The following WASHC5 variants were observed in gnomAD, a reference collection of about 807,000 sequenced individuals.
The protein encoded by WASHC5 is WASH complex subunit strumpellin.
WASHC5 carries 101 observed loss-of-function variants against 150.4 expected under a neutral mutation model. That is an observed-to-expected ratio of 0.67 (90% CI 0.57 to 0.79). The LOEUF (loss-of-function observed/expected upper bound fraction) is 0.79. Ranked by LOEUF, WASHC5 falls within the 30% of genes least tolerant of loss-of-function variation. The probability of loss-of-function intolerance (pLI) is 0.00; values close to 1 mark genes in which losing one functional copy is unlikely to be tolerated. For synonymous variants in WASHC5, 467 were observed against 491.2 expected (o/e 0.95, Z 0.65); for missense variants, 1,195 against 1,396.3 (o/e 0.86, Z 2.30).
intron 24 of WASHC5, 129 bp from the exon 25 acceptor site, chr8:125,039,088 G>T: frequency 9.7e-7 from 1 of 1,029,950 alleles, no homozygotes; most frequent in Non-Finnish European, 1.5e-6. Flanking sequence ...GCTTGATCTC[G>T]CTAATTCTCA....
At chr8:125,058,918 G>A (rs552039631) in intron 14 of WASHC5, among the ~76,000 whole-genome samples, 2 of 151,772 alleles carry the variant, frequency 1.3e-5, no homozygotes, top group Non-Finnish European at 2.9e-5. Flanking sequence ...TCATGCCTAG[G>A]GAATAAAGGA....
intron 9 of WASHC5, among the ~76,000 whole-genome samples, chr8:125,071,309 C>T (rs1267738512): frequency 6.6e-6 from 1 of 152,182 alleles, no homozygotes; most frequent in Admixed American, 6.5e-5. Context: ...ATTCAACTTA[C>T]TTATTTTTCT....
intron 5 of WASHC5, among the ~76,000 whole-genome samples, chr8:125,080,702 T>C (rs1179908479): frequency 6.6e-6 from 1 of 152,170 alleles, no homozygotes; most frequent in Non-Finnish European, 1.5e-5. Flanking sequence ...CAATTGAAAA[T>C]CTGTGCGTTA....
intron 4 of WASHC5, 122 bp from the exon 5 acceptor site, chr8:125,081,883 A>G: frequency 1.4e-6 from 1 of 717,458 alleles, no homozygotes; most frequent in Admixed American, 2.0e-5. Flanking sequence ...GATTTCAAGG[A>G]AAAGGTAGGT....
rs779502501 is a variant in WASHC5 at position 125,024,572 on chromosome 8, G to T, written c.*45C>A. 1 of 1,360,718 alleles carries T rather than the reference G, an allele frequency of 7.3e-7. No individual in the cohort carries two copies. Among genetic ancestry groups the T allele is most frequent in the East Asian group, 2.3e-5 (1 of 43,636 alleles). 84.3% of individuals were successfully genotyped at this position (1,360,718 alleles called of 1,614,324 possible). ...TCTTCAAATTCATTTGTGATGGTGG[G>T]AAGATCTAAGGACAATCCTTCCATT... On this transcript the variant is annotated 3_prime_UTR_variant, in exon 29 of 29. Transcript: ENST00000318410.
chr8:125,073,631 C>A (rs1020982173), intron 8 of WASHC5, among the ~76,000 whole-genome samples: 5 of 152,116 alleles, frequency 3.3e-5, no homozygotes, highest in Admixed American at 2.6e-4. Context: ...GACATATGGA[C>A]TATAGTTCTA....
At chr8:125,054,959 G>C (rs1180079173) in intron 17 of WASHC5, among the ~76,000 whole-genome samples, 1 of 144,674 alleles carries the variant, frequency 6.9e-6, no homozygotes, top group African/African-American at 2.6e-5. Flanking sequence ...TTTTTTTTTT[G>C]CTTTTCCCAA....
At chr8:125,055,739 G>T in intron 16 of WASHC5, 68 bp from the exon 17 acceptor site, 1 of 984,642 alleles carries the variant, frequency 1.0e-6, no homozygotes, top group Non-Finnish European at 1.6e-6. Context: ...AAGATAACAG[G>T]AAAAGAACTT....
At chr8:125,056,591 A>C in intron 16 of WASHC5, 86 bp downstream of exon 16, 1 of 1,507,552 alleles carries the variant, frequency 6.6e-7, no homozygotes, top group Non-Finnish European at 9.2e-7. Flanking sequence ...GGTGGTCCCC[A>C]GAATATGGCA....
intron 9 of WASHC5, among the ~76,000 whole-genome samples, chr8:125,071,346 T>C (rs1816889982): frequency 6.6e-6 from 1 of 152,090 alleles, no homozygotes; most frequent in Non-Finnish European, 1.5e-5. Flanking sequence ...TTGAAGCATT[T>C]CTCACAATCT....
intron 1 of WASHC5, among the ~76,000 whole-genome samples, chr8:125,087,613 G>A (rs946961238): frequency 6.6e-6 from 1 of 151,860 alleles, no homozygotes; most frequent in Middle Eastern, 3.4e-3. Flanking sequence ...CGAGCCTGTA[G>A]TCCCAGTGAC....
chr8:125,047,055 C>T, intron 20 of WASHC5, 152 bp downstream of exon 20: 1 of 884,386 alleles, frequency 1.1e-6, no homozygotes, highest in African/African-American at 1.6e-5. Flanking sequence ...GTCTGCAGCG[C>T]AGGGGTTAGG....
Position 125,042,715 on chromosome 8 carries a change from G to T in WASHC5, c.2850+1110C>A, listed in dbSNP as rs113189534. ...GGGTGATTCTTTATTCCTCCTAAAG[G>T]GTTTTCCAGCAATTAGAAACTTGGC... is the stretch of plus-strand genomic sequence containing the variant. On this transcript the variant is annotated intron_variant, in intron 23 of 28. Coordinates refer to ENST00000318410, the MANE Select transcript of WASHC5 (RefSeq NM_014846.4). 1.5e-3 allele frequency among the ~76,000 whole-genome samples: 226 copies of T among 152,262 alleles called. 1 individual carries two copies. Among genetic ancestry groups the T allele is most frequent in the African/African-American group, 5.3e-3 (220 of 41,552 alleles).
chr8:125,041,823 G>A (rs1043331616), intron 23 of WASHC5, among the ~76,000 whole-genome samples: 6 of 152,100 alleles, frequency 3.9e-5, no homozygotes, highest in African/African-American at 1.4e-4. Context: ...TTATAAATAG[G>A]AAGTGTTTGA....
intron 17 of WASHC5, 109 bp from the exon 18 acceptor site, chr8:125,050,774 C>T (rs1354198835): frequency 2.6e-6 from 2 of 779,034 alleles, no homozygotes; most frequent in Non-Finnish European, 4.5e-6. Flanking sequence ...TTCCTACCTC[C>T]TCACTAAATG....
In WASHC5 at chr8:125,065,763, C is replaced by T. The variant is rs533391465; in HGVS notation, c.1278+1829G>A. On this transcript the variant is annotated intron_variant, in intron 10 of 28. Transcript: ENST00000318410. ...TCCTGAAGAGCTTGGAATACAGGCA[C>T]GCGCCACTGCACCCAGCTAATTTTT... Among the ~76,000 whole-genome samples, 25 of 152,020 alleles carry T rather than the reference C, an allele frequency of 1.6e-4. No homozygotes were observed. The South Asian group carries it at 4.8e-3, about 29-fold the overall frequency.
At chr8:125,067,853 G>A in intron 9 of WASHC5, 134 bp from the exon 10 acceptor site, 1 of 904,224 alleles carries the variant, frequency 1.1e-6, no homozygotes, top group Non-Finnish European at 1.7e-6. Flanking sequence ...AATAAAAGAT[G>A]GTGAAATATA....
intron 14 of WASHC5, among the ~76,000 whole-genome samples, chr8:125,058,678 G>A (rs915804924): frequency 2.6e-5 from 4 of 151,990 alleles, no homozygotes; most frequent in African/African-American, 9.7e-5. Flanking sequence ...AACCCGGGAG[G>A]AGGAGCTGCA....
At chr8:125,055,938 G>T (rs1198050022) in intron 16 of WASHC5, among the ~76,000 whole-genome samples, 1 of 152,160 alleles carries the variant, frequency 6.6e-6, no homozygotes, top group Non-Finnish European at 1.5e-5. Flanking sequence ...AGAATTCAAT[G>T]ATCTAGATGG....
Sources: allele counts gnomAD v4.1 joint callset (sites outside exome capture counted in the v4.1 genomes callset), GRCh38; gene constraint gnomAD v4.1.1; transcripts MANE v1.5; gene names NCBI Gene and HGNC (gene_info 2026-07-23, HGNC 2026-07-21).